PANK1: variants seen among roughly 807,000 people sequenced by gnomAD.
PANK1 encodes pantothenate kinase 1, also known as pantothenic acid kinase 1.
Under a neutral mutation model 40.1 loss-of-function variants are expected in PANK1, and 18 were observed. The observed-to-expected ratio is 0.45, with a 90% CI of 0.31 to 0.67. The LOEUF is 0.67. Ranked by LOEUF, PANK1 falls within the 30% of genes least tolerant of loss-of-function variation. The pLI is 0.06. For missense variants in PANK1, 457 were observed against 599.6 expected (o/e 0.76, Z 2.48); for synonymous variants, 242 against 237.7 (o/e 1.02, Z -0.17).
intron 1 of PANK1, chr10:89,614,049 G>GC (rs1284665772): frequency 4.4e-6 from 2 of 456,342 alleles, no homozygotes; most frequent in East Asian, 1.4e-4. Flanking sequence ...AAGAAAAATT[G>GC]CAAGTAACCC....
rs571200858 is a variant in PANK1 at position 89,604,992 on chromosome 10, T to C, written c.646-5487A>G. On this transcript the variant is annotated intron_variant, in intron 2 of 6. Transcript: ENST00000307534. The stretch of plus-strand genomic sequence containing the variant: ...GGTCTCGATCTCCTGACCTTGTGAT[T>C]TGCCCACCTCGGCCTCCCAAAGTGC... Among the ~76,000 whole-genome samples the C allele has an allele frequency of 2.0e-4, 31 of 151,776 alleles. No homozygotes were observed. The East Asian group carries it at 6.0e-3, about 30-fold the overall frequency.
chr10:89,594,130 C>A, intron 3 of PANK1, 141 bp from the exon 4 acceptor site: 3 of 602,778 alleles, frequency 5.0e-6, no homozygotes, highest in Non-Finnish European at 8.9e-6. Context: ...TAGGGTGCAA[C>A]AGAGCTTTAG....
intron 1 of PANK1, among the ~76,000 whole-genome samples, chr10:89,634,805 C>T (rs1456049904): frequency 6.6e-6 from 1 of 152,196 alleles, no homozygotes; most frequent in Non-Finnish European, 1.5e-5. Flanking sequence ...CCACAGTCCT[C>T]TTATTCACTA....
At chr10:89,602,922 A>T (rs1378454979) in intron 2 of PANK1, among the ~76,000 whole-genome samples, 1 of 146,548 alleles carries the variant, frequency 6.8e-6, no homozygotes, top group Admixed American at 6.8e-5. Flanking sequence ...TTAAGGGCTG[A>T]CAGGTAATTT....
chr10:89,599,788 G>T (rs1209128120), intron 2 of PANK1, among the ~76,000 whole-genome samples: 8 of 152,184 alleles, frequency 5.3e-5, no homozygotes, highest in Non-Finnish European at 1.2e-4. Context: ...GTCCCTGAAA[G>T]ATGGCACTAT....
chr10:89,599,708 T>A lies in PANK1; in HGVS notation c.646-203A>T, dbSNP rs138302793. Among the ~76,000 whole-genome samples, 613 of 152,264 alleles carry A rather than the reference T, an allele frequency of 4.0e-3. 3 individuals are homozygous for A. Among genetic ancestry groups the A allele is most frequent in the African/African-American group, 0.014 (583 of 41,542 alleles). On this transcript the variant is annotated intron_variant, in intron 2 of 6. Transcript: ENST00000307534. ...AGATGTCATACCTGCCCACAGTGCA[T>A]GCTAAAGGACAAGAGCTTGCCTGAT...
chr10:89,584,885 A>T (rs999499221), intron 6 of PANK1, among the ~76,000 whole-genome samples: 6 of 152,200 alleles, frequency 3.9e-5, no homozygotes, highest in Non-Finnish European at 7.3e-5. Flanking sequence ...CATGAGAGAA[A>T]ACCCTAAACT....
chr10:89,633,860 A>G (rs1032349062), intron 1 of PANK1, among the ~76,000 whole-genome samples: 2 of 152,140 alleles, frequency 1.3e-5, no homozygotes, highest in Non-Finnish European at 2.9e-5. Flanking sequence ...CTTTATGACT[A>G]CCCCAAGAAG....
intron 1 of PANK1, among the ~76,000 whole-genome samples, chr10:89,632,292 C>A (rs559868591): frequency 6.6e-6 from 1 of 151,930 alleles, no homozygotes; most frequent in Non-Finnish European, 1.5e-5. Flanking sequence ...CCCTTTTTTG[C>A]CACACAGATC....
rs939542836 is a variant in PANK1 at position 89,597,410 on chromosome 10, G to A, written c.899+1842C>T. Among the ~76,000 whole-genome samples, 5 of 152,146 alleles carry A rather than the reference G, an allele frequency of 3.3e-5. No homozygotes were observed. In the South Asian group the frequency reaches 6.2e-4, roughly 19 times the overall value. On this transcript the variant is annotated intron_variant, in intron 3 of 6. Transcript: ENST00000307534. ...GGTTCTCTATTAACCTGCAGGCTTC[G>A]GTAGCACCTTTCCAAAACTACTGAT...
rs115667971 is a variant in PANK1 at position 89,643,840 on chromosome 10, C to T, written c.292+760G>A. On this transcript the variant is annotated intron_variant, in intron 1 of 6. Coordinates refer to ENST00000307534, the MANE Select transcript of PANK1 (RefSeq NM_148977.3). ...CGTCCTGTGGGGAAGGTACACTTTA[C>T]AAACTACCATTATATATACAAGCTT... 1.4e-3 allele frequency: 2,117 copies of T among 1,560,074 alleles called. 25 individuals are homozygous for T. In the African/African-American group the frequency reaches 0.026, roughly 20 times the overall value.
intron 1 of PANK1, chr10:89,613,902 C>G (rs1564628664): frequency 4.5e-6 from 2 of 446,160 alleles, no homozygotes; most frequent in Middle Eastern, 3.3e-4. Flanking sequence ...AAGCAGCAGA[C>G]AGTAAGTAGC....
At chr10:89,624,191 A>G (rs1250040006) in intron 1 of PANK1, among the ~76,000 whole-genome samples, 3 of 152,232 alleles carry the variant, frequency 2.0e-5, no homozygotes, top group Non-Finnish European at 4.4e-5. Flanking sequence ...ATAGAGACTC[A>G]AGTCTGAATT....
At chr10:89,599,118 G>T in intron 3 of PANK1, 134 bp downstream of exon 3, 1 of 745,314 alleles carries the variant, frequency 1.3e-6, no homozygotes, top group Non-Finnish European at 2.2e-6. Context: ...CACACCATTT[G>T]ATAAATTCTT....
At chr10:89,639,813 T>C (rs553343123) in intron 1 of PANK1, among the ~76,000 whole-genome samples, 27 of 152,144 alleles carry the variant, frequency 1.8e-4, no homozygotes, top group Non-Finnish European at 3.5e-4. Flanking sequence ...GCTGGGAGTA[T>C]TTGATGAGAG....
intron 3 of PANK1, among the ~76,000 whole-genome samples, chr10:89,596,955 G>A (rs1186453801): frequency 2.6e-5 from 4 of 152,014 alleles, no homozygotes; most frequent in South Asian, 4.1e-4. Context: ...TGTGTCACTA[G>A]GAAAAAAATG....
chr10:89,606,271 G>A (rs1473278859), intron 2 of PANK1, among the ~76,000 whole-genome samples: 1 of 152,234 alleles, frequency 6.6e-6, no homozygotes, highest in Non-Finnish European at 1.5e-5. Flanking sequence ...TTTGAAGCCA[G>A]GCATTGACTT....
chr10:89,643,592 CA>C lies in PANK1; in HGVS notation c.292+1007del, dbSNP rs1842026155. Reference sequence around the variant, plus strand: ...AAAAGTGAAGGTGTTATTTGCCAAACATTAAACTTTCACAGAAATCCAAAAC... The same window carrying C: ...AAAAGTGAAGGTGTTATTTGCCAAACTTAAACTTTCACAGAAATCCAAAAC... On this transcript the variant is annotated intron_variant, in intron 1 of 6. Coordinates refer to ENST00000307534, the MANE Select transcript of PANK1 (RefSeq NM_148977.3). 7 of 839,958 alleles carry C rather than the reference CA, an allele frequency of 8.3e-6. No individual in the cohort carries two copies. In the Admixed American group the frequency reaches 1.3e-4, roughly 16 times the overall value. The allele number at this position is 839,958 out of a possible 1,614,324, so 52.0% of individuals were successfully genotyped here. A position where few individuals can be genotyped will look rare whatever the true frequency, so the allele number is the denominator to read the frequency against.
rs147298718 is a variant in PANK1 at position 89,604,620 on chromosome 10, G to A, written c.646-5115C>T. On this transcript the variant is annotated intron_variant, in intron 2 of 6. Transcript: ENST00000307534. ...GGGGTAGGAGAATCGCCTGAACCCA[G>A]GAGGCAGGTGTTGCAGTGAGCCGAG... Among the ~76,000 whole-genome samples, 362 of 148,836 alleles carry A rather than the reference G, an allele frequency of 2.4e-3. 1 individual carries two copies. The highest frequency in any genetic ancestry group is 8.2e-3 in the African/African-American group (333 of 40,436).
Sources: allele counts gnomAD v4.1 joint callset (sites outside exome capture counted in the v4.1 genomes callset), GRCh38; gene constraint gnomAD v4.1.1; transcripts MANE v1.5; gene names NCBI Gene and HGNC (gene_info 2026-07-23, HGNC 2026-07-21).